The following RUNX2 variants were observed in gnomAD, a reference collection of about 807,000 sequenced individuals.
RUNX2 encodes the protein runt-related transcription factor 2.
In RUNX2, 10 loss-of-function variants were observed where a neutral mutation model predicts 51.7. The ratio of observed to expected loss-of-function variants is 0.19; its 90% CI spans 0.12 to 0.33. The LOEUF (loss-of-function observed/expected upper bound fraction) is 0.33, where lower values mean the gene tolerates loss of function less well. Ranked by LOEUF, RUNX2 falls within the 10% of genes least tolerant of loss-of-function variation. The pLI is 1.00. For synonymous variants in RUNX2, 276 were observed against 273.6 expected (o/e 1.01, Z -0.09); for missense variants, 562 against 691.3 (o/e 0.81, Z 2.10).
intron 5 of RUNX2, among the ~76,000 whole-genome samples, chr6:45,490,897 T>C (rs1800441443): frequency 6.6e-6 from 1 of 152,154 alleles, no homozygotes; most frequent in African/African-American, 2.4e-5. Context: ...GAATCCCCAG[T>C]CCATTTCTGT....
At chr6:45,447,897 A>C (rs1799047821) in intron 5 of RUNX2, among the ~76,000 whole-genome samples, 1 of 152,208 alleles carries the variant, frequency 6.6e-6, no homozygotes, top group Non-Finnish European at 1.5e-5. Flanking sequence ...AGCTGCTGCC[A>C]ACATGCGGTG....
chr6:45,405,787 C>CA lies in RUNX2; in HGVS notation c.59-16795dup, dbSNP rs200283559. On this transcript the variant is annotated intron_variant, in intron 2 of 8. Coordinates refer to ENST00000647337, the MANE Select transcript of RUNX2 (RefSeq NM_001024630.4). ...GGCCAACAGAAGTGAAAATCCGTCT[C>CA]AAAAAAAAAAATCAACTATGATGGG... 8.0e-3 allele frequency among the ~76,000 whole-genome samples: 1,135 copies of CA among 142,554 alleles called. 15 individuals are homozygous for CA. Among genetic ancestry groups the CA allele is most frequent in the East Asian group, 0.06 (290 of 4,868 alleles). The allele number at this position is 142,554 out of a possible 152,430, so 93.5% of individuals were successfully genotyped here.
rs115308884 is a variant in RUNX2, at chr6:45,484,016, C to A, written c.686-7925C>A. Among the ~76,000 whole-genome samples the A allele has an allele frequency of 1.7e-3, 257 of 152,216 alleles. 1 individual carries two copies. The highest frequency in any genetic ancestry group is 5.7e-3 in the African/African-American group (238 of 41,524). On this transcript the variant is annotated intron_variant, in intron 5 of 8. Coordinates refer to ENST00000647337, the MANE Select transcript of RUNX2 (RefSeq NM_001024630.4). Reference sequence around the variant, plus strand: ...TGGAAGACAATTGAAAGGTTTTGAGCAGGTAAGTGACATGAATGTTAGGAT... The same window carrying A: ...TGGAAGACAATTGAAAGGTTTTGAGAAGGTAAGTGACATGAATGTTAGGAT...
In RUNX2 at chr6:45,494,727, G is replaced by A. The variant is rs35653796; in HGVS notation, c.859+2613G>A. ...ACCCAATTTTTAAAGGAAAGCCCAG[G>A]AACATCTGGAGCAGCAGCAATGCGA... On this transcript the variant is annotated intron_variant, in intron 6 of 8. Transcript: ENST00000647337. Among the ~76,000 whole-genome samples, 1,064 of 152,270 alleles carry A rather than the reference G, an allele frequency of 7.0e-3. 10 individuals carry two copies. Among genetic ancestry groups the A allele is most frequent in the Admixed American group, 0.015 (229 of 15,306 alleles).
chr6:45,375,769 GTTTT>G (rs1582027129), intron 2 of RUNX2, among the ~76,000 whole-genome samples: 1 of 151,052 alleles, frequency 6.6e-6, no homozygotes, highest in African/African-American at 2.4e-5. Flanking sequence ...ACCTATAAAG[GTTTT>G]TTATTTGTTC....
At chr6:45,453,527 T>A (rs1799233148) in intron 5 of RUNX2, among the ~76,000 whole-genome samples, 1 of 152,202 alleles carries the variant, frequency 6.6e-6, no homozygotes, top group Non-Finnish European at 1.5e-5. Flanking sequence ...CCCTGAGGAC[T>A]TTACTTAAGA....
chr6:45,387,814 A>G (rs1264014930), intron 2 of RUNX2, among the ~76,000 whole-genome samples: 1 of 152,202 alleles, frequency 6.6e-6, no homozygotes, highest in African/African-American at 2.4e-5. Context: ...TCAGAGAGGC[A>G]TATTAATGAT....
intron 2 of RUNX2, among the ~76,000 whole-genome samples, chr6:45,359,721 T>C (rs1383199151): frequency 6.6e-6 from 1 of 152,172 alleles, no homozygotes; most frequent in Non-Finnish European, 1.5e-5. Context: ...TTGTTAGATA[T>C]AGGAAACTGC....
chr6:45,401,455 G>A (rs1316710659), intron 2 of RUNX2, among the ~76,000 whole-genome samples: 1 of 152,240 alleles, frequency 6.6e-6, no homozygotes, highest in African/African-American at 2.4e-5. Context: ...GAAGCCAAAA[G>A]AAGTTGGTTT....
intron 4 of RUNX2, among the ~76,000 whole-genome samples, chr6:45,436,170 C>T (rs1469497464): frequency 6.6e-6 from 1 of 152,072 alleles, no homozygotes; most frequent in Non-Finnish European, 1.5e-5. Context: ...TTGCATTAGT[C>T]CATTTATGTT....
intron 5 of RUNX2, among the ~76,000 whole-genome samples, chr6:45,465,865 C>T (rs540604016): frequency 7.3e-5 from 11 of 150,218 alleles, no homozygotes; most frequent in African/African-American, 1.5e-4. Context: ...AGGCTGGTTT[C>T]GAACTGCTGG....
At chr6:45,434,948 T>C (rs1015519736) in intron 4 of RUNX2, among the ~76,000 whole-genome samples, 2 of 152,230 alleles carry the variant, frequency 1.3e-5, no homozygotes, top group Middle Eastern at 3.2e-3. Flanking sequence ...AACCAATTAC[T>C]AAATTGGTTG....
chr6:45,330,793 C>T, intron 2 of RUNX2, among the ~76,000 whole-genome samples: 1 of 151,682 alleles, frequency 6.6e-6, no homozygotes, highest in South Asian at 2.1e-4. Flanking sequence ...CCCGCCAGCC[C>T]CCAAACAGTA....
intron 6 of RUNX2, among the ~76,000 whole-genome samples, chr6:45,496,287 G>A (rs560846891): frequency 6.6e-6 from 1 of 152,090 alleles, no homozygotes; most frequent in African/African-American, 2.4e-5. Flanking sequence ...TAGGGTGGGG[G>A]ATGTACTGCT....
intron 6 of RUNX2, among the ~76,000 whole-genome samples, chr6:45,495,389 A>G (rs1800616658): frequency 6.6e-6 from 1 of 152,238 alleles, no homozygotes; most frequent in African/African-American, 2.4e-5. Context: ...ATTGTTCCCT[A>G]GTGATGGGCA....
chr6:45,383,327 C>T (rs1031109105), intron 2 of RUNX2, among the ~76,000 whole-genome samples: 4 of 152,018 alleles, frequency 2.6e-5, no homozygotes, highest in Non-Finnish European at 1.5e-5. Context: ...ATCCCAGCTA[C>T]TTGAGAGGCT....
At chr6:45,434,590 G>A (rs1296619885) in intron 4 of RUNX2, among the ~76,000 whole-genome samples, 2 of 152,174 alleles carry the variant, frequency 1.3e-5, no homozygotes, top group Admixed American at 6.5e-5. Flanking sequence ...AATAAAAGTA[G>A]AGCATCAGTG....
chr6:45,482,410 C>T (rs966300118), intron 5 of RUNX2, among the ~76,000 whole-genome samples: 1 of 152,172 alleles, frequency 6.6e-6, no homozygotes, highest in African/African-American at 2.4e-5. Flanking sequence ...TGTTGTGATT[C>T]GCCACAGCCT....
intron 2 of RUNX2, among the ~76,000 whole-genome samples, chr6:45,383,686 A>T (rs1211577244): frequency 6.6e-6 from 1 of 152,376 alleles, no homozygotes; most frequent in South Asian, 2.1e-4. Flanking sequence ...AGACGAGTAT[A>T]CAGAAACATC....
Sources: allele counts gnomAD v4.1 joint callset (sites outside exome capture counted in the v4.1 genomes callset), GRCh38; gene constraint gnomAD v4.1.1; transcripts MANE v1.5; gene names NCBI Gene and HGNC (gene_info 2026-07-23, HGNC 2026-07-21).